Variants in EXOC5 observed in about 807,000 individuals in gnomAD.
EXOC5 encodes SEC10-like 1.
In EXOC5, 17 loss-of-function variants were observed where a neutral mutation model predicts 90.8. That is an observed-to-expected ratio of 0.19 (90% confidence interval 0.13 to 0.28). EXOC5 has a LOEUF of 0.28. Among genes scored for constraint, EXOC5 ranks in the 10% least tolerant of loss-of-function variants. The pLI is 1.00. For synonymous variants in EXOC5, 260 were observed against 270.0 expected, an observed-to-expected ratio of 0.96 and a Z score of 0.36; for missense variants, 569 against 830.6, an observed-to-expected ratio of 0.69 and a Z score of 3.87.
Position 57,204,940 on chromosome 14 carries a change from C to T in EXOC5, c.*3669G>A, listed in dbSNP as rs558945236. ...CTATCAAACTAAAGGATCTATTTAA[C>T]GTTACGTAAGGAGAATAGCATATAG... On this transcript the variant is annotated 3_prime_UTR_variant, in exon 18 of 18. Transcript: ENST00000621441. 2.0e-5 allele frequency: 3 copies of T among 151,858 alleles called. No homozygotes were observed. Among genetic ancestry groups the T allele is most frequent in the Admixed American group, 6.6e-5 (1 of 15,238 alleles). The allele number at this position is 151,858 out of a possible 1,614,324, so 9.4% of individuals were successfully genotyped here.
chr14:57,218,889 C>A, intron 14 of EXOC5, among the ~76,000 whole-genome samples: 1 of 151,982 alleles, frequency 6.6e-6, no homozygotes. Context: ...ATAAACCAAA[C>A]CTTACTCTAA....
At chr14:57,264,653 T>C (rs1480987813) in intron 1 of EXOC5, among the ~76,000 whole-genome samples, 1 of 152,146 alleles carries the variant, frequency 6.6e-6, no homozygotes, top group Admixed American at 6.5e-5. Context: ...CCTACAACCC[T>C]CCCTTTATGT....
At position 57,268,827 on chromosome 14, in the gene EXOC5, CGCAAACGCTTGTCAGCTG is replaced by C; in HGVS notation, c.-197_-180del. ...CGGGAGAGCGGCCATGAAGCGAAGC[CGCAAACGCTTGTCAGCTG>C]CCTCCCGGCGCCGCCCGCGCTGCTC... On this transcript the variant is annotated 5_prime_UTR_variant, in exon 1 of 18. It removes the in-frame stop codon of an upstream open reading frame in the 5' UTR. Transcript: ENST00000621441. The C allele has an allele frequency of 7.2e-7, 1 of 1,383,512 alleles. No individual in the cohort carries two copies. The highest frequency in any genetic ancestry group is 3.4e-5 in the Admixed American group (1 of 29,362). 85.7% of individuals were successfully genotyped at this position (1,383,512 alleles called of 1,614,324 possible).
At chr14:57,214,034 G>T (rs1373024159) in intron 15 of EXOC5, among the ~76,000 whole-genome samples, 1 of 152,108 alleles carries the variant, frequency 6.6e-6, no homozygotes, top group Non-Finnish European at 1.5e-5. Context: ...GTTAACCTCA[G>T]GGGTATCTGT....
rs1234139836 is a variant in EXOC5, at chr14:57,201,480, G to A, written c.*7129C>T. On this transcript the variant is annotated 3_prime_UTR_variant, in exon 18 of 18. Coordinates refer to ENST00000621441, the MANE Select transcript of EXOC5 (RefSeq NM_006544.4). Reference sequence around the variant, plus strand: ...CACACGCGTGTATATGTACACACACGTGTATAAACACACGTGTATATACAC... The same window carrying A: ...CACACGCGTGTATATGTACACACACATGTATAAACACACGTGTATATACAC... 6 of 125,654 alleles carry A rather than the reference G, an allele frequency of 4.8e-5. No homozygotes were observed. Among genetic ancestry groups the A allele is most frequent in the Non-Finnish European group, 7.6e-5 (5 of 65,430 alleles). 7.8% of individuals were successfully genotyped at this position (125,654 alleles called of 1,614,324 possible). A position where few individuals can be genotyped will look rare whatever the true frequency, so the allele number is the denominator to read the frequency against.
intron 9 of EXOC5, chr14:57,233,237 T>TAA (rs372261625): frequency 0.043 from 6,180 of 142,630 alleles, 394 homozygotes; most frequent in African/African-American, 0.15. Flanking sequence ...TGAATTGTGT[T>TAA]AAAAAAAAAA....
chr14:57,256,360 C>T (rs1884349193), intron 1 of EXOC5, among the ~76,000 whole-genome samples: 1 of 152,036 alleles, frequency 6.6e-6, no homozygotes. Flanking sequence ...AGTTAAGATA[C>T]CAAGAACATC....
Position 57,203,043 on chromosome 14 carries a change from G to A in EXOC5, c.*5566C>T, listed in dbSNP as rs1882550422. 1 of 152,110 alleles carries A rather than the reference G, an allele frequency of 6.6e-6. No homozygotes were observed. Among genetic ancestry groups the A allele is most frequent in the Non-Finnish European group, 1.5e-5 (1 of 68,024 alleles). The allele number at this position is 152,110 out of a possible 1,614,324, so 9.4% of individuals were successfully genotyped here. ...GTATTCACAAACAATATGCTTAGAG[G>A]TAGCTTCACAGTTTTCTTTACATCC... On this transcript the variant is annotated 3_prime_UTR_variant, in exon 18 of 18. Coordinates refer to ENST00000621441, the MANE Select transcript of EXOC5 (RefSeq NM_006544.4).
chr14:57,232,576 CTT>C, intron 10 of EXOC5, 89 bp downstream of exon 10: 1 of 578,834 alleles, frequency 1.7e-6, no homozygotes, highest in South Asian at 2.7e-5. Context: ...TGGTGACAAA[CTT>C]ATTCAAAAAT....
chr14:57,210,832 C>T (rs1882805528), intron 15 of EXOC5, among the ~76,000 whole-genome samples: 1 of 152,102 alleles, frequency 6.6e-6, no homozygotes, highest in Non-Finnish European at 1.5e-5. Context: ...GTAACATAAC[C>T]ACAATACCTG....
chr14:57,239,865 A>G (rs1883804571), intron 4 of EXOC5, among the ~76,000 whole-genome samples: 1 of 152,190 alleles, frequency 6.6e-6, no homozygotes, highest in Non-Finnish European at 1.5e-5. Context: ...CAATAATAAC[A>G]TAAACATTTA....
chr14:57,211,378 G>GT (rs1329992151), intron 15 of EXOC5, among the ~76,000 whole-genome samples: 1 of 152,056 alleles, frequency 6.6e-6, no homozygotes, highest in Non-Finnish European at 1.5e-5. Flanking sequence ...TTTTGTATAT[G>GT]TAAGAAGTCA....
rs75268652 is a variant in EXOC5, at chr14:57,208,933, G to A, written c.1939-136C>T. 2,622 of 548,372 alleles carry A rather than the reference G, an allele frequency of 4.8e-3. 60 individuals are homozygous for A. Among genetic ancestry groups the A allele is most frequent in the African/African-American group, 0.043 (2,301 of 53,582 alleles). The allele number at this position is 548,372 out of a possible 1,614,324, so 34.0% of individuals were successfully genotyped here. A position where few individuals can be genotyped will look rare whatever the true frequency, so the allele number is the denominator to read the frequency against. On this transcript the variant is annotated intron_variant, in intron 17 of 17. Transcript: ENST00000621441. ...GTTCAACATATTAGAATTTTTTAAAGATCACAATGCATTAAAACTTAAAGA... is the reference window on the plus strand; with the variant it reads ...GTTCAACATATTAGAATTTTTTAAAAATCACAATGCATTAAAACTTAAAGA...
At chr14:57,240,846 A>G (rs965232156) in intron 4 of EXOC5, among the ~76,000 whole-genome samples, 1 of 151,800 alleles carries the variant, frequency 6.6e-6, no homozygotes, top group Non-Finnish European at 1.5e-5. Flanking sequence ...ATCAATATAG[A>G]TTTTTTTTAT....
chr14:57,212,478 T>C (rs777762510), intron 15 of EXOC5, among the ~76,000 whole-genome samples: 4 of 152,242 alleles, frequency 2.6e-5, no homozygotes, highest in African/African-American at 4.8e-5. Context: ...CTTACACTTA[T>C]ACATGCCTGC....
At chr14:57,227,137 T>A (rs1883331576) in intron 12 of EXOC5, among the ~76,000 whole-genome samples, 1 of 152,078 alleles carries the variant, frequency 6.6e-6, no homozygotes, top group African/African-American at 2.4e-5. Flanking sequence ...GCACAAAAGA[T>A]CTGAACAAAC....
chr14:57,215,264 A>G (rs1397551334), intron 15 of EXOC5, among the ~76,000 whole-genome samples: 1 of 152,096 alleles, frequency 6.6e-6, no homozygotes. Flanking sequence ...AATTAACACC[A>G]ATCGTTCTCA....
At chr14:57,222,762 C>T (rs371301141) in intron 12 of EXOC5, among the ~76,000 whole-genome samples, 2,074 of 135,198 alleles carry the variant, frequency 0.015, 60 homozygotes, top group African/African-American at 0.063. Flanking sequence ...CACACACACA[C>T]ATATATATAT....
At chr14:57,249,774 CTTAT>C (rs1304240008) in intron 1 of EXOC5, among the ~76,000 whole-genome samples, 1 of 151,892 alleles carries the variant, frequency 6.6e-6, no homozygotes, top group Non-Finnish European at 1.5e-5. Context: ...TGATGATTTA[CTTAT>C]TTATTTTTTT....
Sources: gnomAD v4.1 joint callset for allele counts (sites outside exome capture counted in the v4.1 genomes callset) on GRCh38, gnomAD v4.1.1 for gene constraint, MANE v1.5 for transcripts, NCBI Gene and HGNC (gene_info 2026-07-23, HGNC 2026-07-21) for gene names.